The following SIPA1L2 variants were observed in gnomAD, a reference collection of about 807,000 sequenced individuals.
SIPA1L2 encodes signal-induced proliferation-associated 1-like protein 2.
A neutral mutation model predicts 163.9 loss-of-function variants in SIPA1L2; 56 were observed. The observed-to-expected ratio is 0.34, with a 90% CI of 0.28 to 0.43. The LOEUF (loss-of-function observed/expected upper bound fraction) is 0.43, where lower values mean the gene tolerates loss of function less well. SIPA1L2 is among the 20% of genes least tolerant of loss of function. The pLI is 1.00. For missense variants in SIPA1L2, 1,974 were observed against 2,193.5 expected, an observed-to-expected ratio of 0.90 and a Z score of 2.00; for synonymous variants, 877 against 865.7, an observed-to-expected ratio of 1.01 and a Z score of -0.23.
chr1:232,437,556 C>A (rs1346500177), intron 15 of SIPA1L2, among the ~76,000 whole-genome samples: 1 of 152,204 alleles, frequency 6.6e-6, no homozygotes, highest in East Asian at 1.9e-4. Flanking sequence ...ATCCACTCCC[C>A]CTTCTCCAGG....
chr1:232,489,818 G>A (rs12749583), intron 5 of SIPA1L2, among the ~76,000 whole-genome samples: 39,099 of 151,998 alleles, frequency 0.26, 5,166 homozygotes, highest in Admixed American at 0.35. Context: ...TTTAAAATAA[G>A]TTGCATGCAC....
chr1:232,618,295 G>A (rs930871170), intron 1 of SIPA1L2, among the ~76,000 whole-genome samples: 3 of 152,200 alleles, frequency 2.0e-5, no homozygotes, highest in Non-Finnish European at 4.4e-5. Flanking sequence ...ACCTGGGGGC[G>A]GAAGGGATGC....
At chr1:232,400,471 C>T (rs1411281808) in intron 22 of SIPA1L2, among the ~76,000 whole-genome samples, 1 of 152,136 alleles carries the variant, frequency 6.6e-6, no homozygotes, top group Non-Finnish European at 1.5e-5. Flanking sequence ...CCGAGGAGAC[C>T]GTCCCCAGCA....
At chr1:232,587,721 C>G (rs188178730) in intron 1 of SIPA1L2, among the ~76,000 whole-genome samples, 2 of 152,312 alleles carry the variant, frequency 1.3e-5, no homozygotes, top group African/African-American at 4.8e-5. Flanking sequence ...TGTGTCCCCA[C>G]CCAAATCTCA....
At position 232,445,540 on chromosome 1, in the gene SIPA1L2, G is replaced by C. The variant is rs376229486; in HGVS notation, c.3342C>G (p.Pro1114=). 2 of 1,613,668 alleles carry C rather than the reference G, an allele frequency of 1.2e-6. No individual in the cohort carries two copies. The highest frequency in any genetic ancestry group is 1.7e-5 in the Admixed American group (1 of 59,992). The stretch of plus-strand genomic sequence containing the variant: ...GGAACCAGCATTACCTCGTGCCATC[G>C]GGCAGCTTCCGGTCGAAGGAGGTGC... The part of the protein sequence containing the change: ...PRSTSFDRKL[P]DGTRSSPSNQ... Residue 1114 remains proline (P), a synonymous_variant, in exon 11 of 23, where the codon CCC becomes CCG. Transcript: ENST00000674635.
intron 10 of SIPA1L2, among the ~76,000 whole-genome samples, chr1:232,452,099 A>T (rs939896029): frequency 6.7e-6 from 1 of 149,278 alleles, no homozygotes; most frequent in Non-Finnish European, 1.5e-5. Context: ...TTACTGCTGT[A>T]TTCTAAAAAC....
At chr1:232,518,546 G>A (rs1444803314) in intron 2 of SIPA1L2, among the ~76,000 whole-genome samples, 1 of 152,096 alleles carries the variant, frequency 6.6e-6, no homozygotes, top group Non-Finnish European at 1.5e-5. Context: ...GACATACCAA[G>A]CGTCTTTCAA....
At chr1:232,457,947 C>CA (rs1187614978) in intron 10 of SIPA1L2, among the ~76,000 whole-genome samples, 1 of 152,086 alleles carries the variant, frequency 6.6e-6, no homozygotes, top group African/African-American at 2.4e-5. Flanking sequence ...TCAAAACTAA[C>CA]AAAAATATGG....
intron 3 of SIPA1L2, among the ~76,000 whole-genome samples, chr1:232,501,200 G>C (rs1666462416): frequency 6.6e-6 from 1 of 151,750 alleles, no homozygotes; most frequent in East Asian, 1.9e-4. Context: ...TGGGACTACA[G>C]GCACCCACCA....
At chr1:232,543,743 C>T (rs1657837954) in intron 2 of SIPA1L2, among the ~76,000 whole-genome samples, 1 of 152,150 alleles carries the variant, frequency 6.6e-6, no homozygotes, top group Admixed American at 6.5e-5. Context: ...GTGGCGCATA[C>T]CTGCAGTCCT....
At chr1:232,567,785 G>C (rs898312922) in intron 2 of SIPA1L2, among the ~76,000 whole-genome samples, 1 of 152,208 alleles carries the variant, frequency 6.6e-6, no homozygotes, top group African/African-American at 2.4e-5. Context: ...CTTTAGGATG[G>C]GGCTGGTCAA....
intron 6 of SIPA1L2, among the ~76,000 whole-genome samples, chr1:232,481,410 C>A (rs1301713813): frequency 1.3e-5 from 2 of 152,036 alleles, no homozygotes; most frequent in Admixed American, 6.5e-5. Flanking sequence ...AAGAGAAATG[C>A]TGACTGATAT....
At chr1:232,413,807 T>G (rs1312942360) in intron 19 of SIPA1L2, among the ~76,000 whole-genome samples, 1 of 152,208 alleles carries the variant, frequency 6.6e-6, no homozygotes, top group Non-Finnish European at 1.5e-5. Context: ...AGTTACACAG[T>G]GAGGCCACAC....
At chr1:232,436,760 C>A (rs1326025399) in intron 15 of SIPA1L2, among the ~76,000 whole-genome samples, 1 of 152,190 alleles carries the variant, frequency 6.6e-6, no homozygotes, top group East Asian at 1.9e-4. Flanking sequence ...TGCTGTAAAT[C>A]CCATCCCTCC....
At chr1:232,476,221 A>C (rs562982647) in intron 7 of SIPA1L2, among the ~76,000 whole-genome samples, 7 of 152,138 alleles carry the variant, frequency 4.6e-5, no homozygotes, top group African/African-American at 1.7e-4. Flanking sequence ...TAGCCCAAAT[A>C]CAACATCATT....
chr1:232,483,905 T>C lies in SIPA1L2; in HGVS notation c.1868A>G (p.Glu623Gly). Residue 623 changes from glutamate to glycine, a missense_variant, in exon 6 of 23, where the codon GAG (glutamate) becomes GGG (glycine). Around this residue, in one of 3 missense-constraint regions of SIPA1L2, gnomAD observed 288 missense variants for 418.9 expected, o/e 0.69. Transcript: ENST00000674635. ...TCCCGCCGTCTCATTGTTATACATCTCTTCCTCTGTGCTCTGGCCTGCTTT... is the reference window on the plus strand; with the variant it reads ...TCCCGCCGTCTCATTGTTATACATCCCTTCCTCTGTGCTCTGGCCTGCTTT... The part of the protein sequence containing the change: ...YCKAGQSTEE[E>G]MYNNETAGPA... The C allele has an allele frequency of 6.2e-7, 1 of 1,614,098 alleles. No homozygotes were observed. The highest frequency in any genetic ancestry group is 1.1e-5 in the South Asian group (1 of 91,076).
intron 1 of SIPA1L2, among the ~76,000 whole-genome samples, chr1:232,591,782 G>T (rs1660977568): frequency 6.6e-6 from 1 of 152,218 alleles, no homozygotes; most frequent in Non-Finnish European, 1.5e-5. Context: ...TGACCAAGGA[G>T]TCAGTGAACG....
chr1:232,526,067 T>A (rs1452323132), intron 2 of SIPA1L2, among the ~76,000 whole-genome samples: 1 of 152,204 alleles, frequency 6.6e-6, no homozygotes, highest in African/African-American at 2.4e-5. Flanking sequence ...AAATCAGTAT[T>A]ATCTACATAA....
intron 2 of SIPA1L2, among the ~76,000 whole-genome samples, chr1:232,564,145 T>TCGTGTGTGTGTGTGTGTGTG (rs1307515862): frequency 1.6e-5 from 1 of 64,168 alleles, no homozygotes; most frequent in African/African-American, 9.8e-5. Flanking sequence ...TTTTTTTTTT[T>TCGTGTGTGTGTGTGTGTGTG]TTTCGTGTGT....
Sources: allele counts gnomAD v4.1 joint callset (sites outside exome capture counted in the v4.1 genomes callset), GRCh38; gene constraint gnomAD v4.1.1; regional missense constraint gnomAD v4.1.1; transcripts MANE v1.5; gene names NCBI Gene and HGNC (gene_info 2026-07-23, HGNC 2026-07-21).